Variants in GLIS1 observed in about 807,000 individuals in gnomAD.
The protein encoded by GLIS1 is zinc finger protein GLIS1.
A neutral mutation model predicts 63.8 loss-of-function variants in GLIS1; 24 were observed. The observed-to-expected ratio is 0.38, with a 90% CI of 0.27 to 0.53. The LOEUF (loss-of-function observed/expected upper bound fraction) is 0.53, where lower values mean the gene tolerates loss of function less well. Ranked by LOEUF, GLIS1 falls within the 20% of genes least tolerant of loss-of-function variation. The pLI is 0.85. For synonymous variants in GLIS1, 450 were observed against 482.5 expected (o/e 0.93, Z 0.88); for missense variants, 1,036 against 1,074.1 (o/e 0.96, Z 0.50).
At chr1:53,635,456 T>C (rs1645713691) in intron 2 of GLIS1, among the ~76,000 whole-genome samples, 1 of 152,170 alleles carries the variant, frequency 6.6e-6, no homozygotes, top group South Asian at 2.1e-4. Context: ...GGCTATCATA[T>C]TCCCTAAGAA....
intron 2 of GLIS1, among the ~76,000 whole-genome samples, chr1:53,675,755 C>T (rs955717255): frequency 2.0e-5 from 3 of 152,160 alleles, no homozygotes; most frequent in Non-Finnish European, 4.4e-5. Context: ...CACAGAGCAG[C>T]AAAGTCCGGA....
At chr1:53,568,665 TAGTG>T (rs1339930999) in intron 4 of GLIS1, among the ~76,000 whole-genome samples, 1 of 152,184 alleles carries the variant, frequency 6.6e-6, no homozygotes, top group Non-Finnish European at 1.5e-5. Flanking sequence ...TGTCTTGTGA[TAGTG>T]AGTGAGTCCT....
intron 4 of GLIS1, among the ~76,000 whole-genome samples, chr1:53,557,529 G>A (rs552971134): frequency 5.9e-5 from 9 of 152,282 alleles, no homozygotes; most frequent in East Asian, 1.9e-4. Flanking sequence ...TAGAAATGGC[G>A]GCAAGGGCAG....
chr1:53,696,560 T>C (rs1311296923), intron 2 of GLIS1, among the ~76,000 whole-genome samples: 1 of 152,088 alleles, frequency 6.6e-6, no homozygotes. Flanking sequence ...CTAAAAACTC[T>C]CCATGGCCCC....
In GLIS1 at chr1:53,522,055, G is replaced by A. The variant is rs145120496; in HGVS notation, c.1594-1289C>T. ...GCTTGGAGAAGGCAAGCCCAGCCTC[G>A]AGATGGGCTCTTGGCTCCCTGACCC... On this transcript the variant is annotated intron_variant, in intron 6 of 10. Transcript: ENST00000628545. Among the ~76,000 whole-genome samples the A allele has an allele frequency of 3.5e-3, 532 of 152,346 alleles. 4 individuals are homozygous for A. Among genetic ancestry groups the A allele is most frequent in the African/African-American group, 0.012 (516 of 41,576 alleles).
At chr1:53,559,166 C>T (rs1025900450) in intron 4 of GLIS1, among the ~76,000 whole-genome samples, 5 of 152,142 alleles carry the variant, frequency 3.3e-5, no homozygotes, top group African/African-American at 1.2e-4. Context: ...GCTTTGTGGC[C>T]GCTATCATTT....
intron 2 of GLIS1, among the ~76,000 whole-genome samples, chr1:53,728,128 G>A (rs1036361303): frequency 6.6e-6 from 1 of 152,120 alleles, no homozygotes; most frequent in Non-Finnish European, 1.5e-5. Context: ...CTTCAAGGAC[G>A]CATAAGTAAA....
chr1:53,615,404 G>C (rs938114155), intron 2 of GLIS1, among the ~76,000 whole-genome samples: 3 of 152,158 alleles, frequency 2.0e-5, no homozygotes, highest in Non-Finnish European at 4.4e-5. Flanking sequence ...CCTGTGAAAG[G>C]CTGCACCACT....
intron 7 of GLIS1, among the ~76,000 whole-genome samples, chr1:53,516,633 C>T (rs577014074): frequency 1.3e-5 from 2 of 151,886 alleles, no homozygotes; most frequent in South Asian, 2.1e-4. Context: ...GCCAACATGG[C>T]GAAACCCTGT....
At chr1:53,737,186 T>A (rs1212923782) in intron 2 of GLIS1, among the ~76,000 whole-genome samples, 1 of 152,160 alleles carries the variant, frequency 6.6e-6, no homozygotes, top group Non-Finnish European at 1.5e-5. Flanking sequence ...GTGGCCAGCT[T>A]CACTGGGGGA....
intron 4 of GLIS1, among the ~76,000 whole-genome samples, chr1:53,591,844 G>GT (rs952691602): frequency 1.3e-5 from 2 of 152,220 alleles, no homozygotes; most frequent in Non-Finnish European, 2.9e-5. Context: ...CCCAACCTTT[G>GT]TTTCTTCATT....
chr1:53,555,871 A>C (rs1211535076), intron 4 of GLIS1, among the ~76,000 whole-genome samples: 2 of 123,938 alleles, frequency 1.6e-5, no homozygotes, highest in Non-Finnish European at 3.3e-5. Flanking sequence ...ATGTGTGTGC[A>C]GGTGTACTGC....
intron 4 of GLIS1, among the ~76,000 whole-genome samples, chr1:53,589,411 G>C (rs939009123): frequency 1.3e-5 from 2 of 152,186 alleles, no homozygotes; most frequent in Non-Finnish European, 2.9e-5. Context: ...GCTGGCGGAG[G>C]GGGGTAAAGG....
chr1:53,679,497 A>G (rs1443865230), intron 2 of GLIS1, among the ~76,000 whole-genome samples: 2 of 152,180 alleles, frequency 1.3e-5, no homozygotes, highest in African/African-American at 4.8e-5. Context: ...TGAGGCAGTG[A>G]AGACTCAGAG....
At chr1:53,579,654 C>T (rs2100491495) in intron 4 of GLIS1, among the ~76,000 whole-genome samples, 1 of 152,368 alleles carries the variant, frequency 6.6e-6, no homozygotes, top group East Asian at 1.9e-4. Flanking sequence ...CTCCTCAGGA[C>T]CACACCTTGT....
intron 2 of GLIS1, among the ~76,000 whole-genome samples, chr1:53,644,514 T>A (rs2100301465): frequency 6.6e-6 from 1 of 152,188 alleles, no homozygotes; most frequent in African/African-American, 2.4e-5. Context: ...ACAAACATGA[T>A]CAATAGGTCA....
rs764620713 is a variant in GLIS1, at chr1:53,574,851, C to T, written c.1320+19257G>A. On this transcript the variant is annotated intron_variant, in intron 4 of 10. Coordinates refer to ENST00000628545, the MANE Select transcript of GLIS1 (RefSeq NM_001367484.1). The surrounding 1 kb of genome is among the most constrained non-coding windows in gnomAD (Gnocchi z 4.2). ...TTTAGTCAAGGTTTGGCCACAGGCC[C>T]GTTGGAGGGAGGATGTCTTCCCTCG... Among the ~76,000 whole-genome samples, 6 of 152,174 alleles carry T rather than the reference C, an allele frequency of 3.9e-5. No homozygotes were observed. The highest frequency in any genetic ancestry group is 8.8e-5 in the Non-Finnish European group (6 of 68,032).
intron 2 of GLIS1, among the ~76,000 whole-genome samples, chr1:53,706,602 C>T (rs1046026938): frequency 4.6e-5 from 7 of 152,224 alleles, no homozygotes; most frequent in African/African-American, 1.7e-4. Flanking sequence ...TCTCTCTGAA[C>T]CTGGCCTTTC....
At chr1:53,572,462 C>T (rs983663060) in intron 4 of GLIS1, among the ~76,000 whole-genome samples, 3 of 152,226 alleles carry the variant, frequency 2.0e-5, no homozygotes, top group Admixed American at 6.5e-5. Context: ...GCTCCTTCCA[C>T]GACACCAGCT....
Sources: gnomAD v4.1 joint callset for allele counts (sites outside exome capture counted in the v4.1 genomes callset) on GRCh38, gnomAD v4.1.1 for gene constraint, Gnocchi (gnomAD v3.1) non-coding constraint, MANE v1.5 for transcripts, NCBI Gene and HGNC (gene_info 2026-07-23, HGNC 2026-07-21) for gene names.